CDK14: variants seen among roughly 807,000 people sequenced by gnomAD.
CDK14 encodes the protein cyclin-dependent kinase 14.
In CDK14, 34 loss-of-function variants were observed where a neutral mutation model predicts 60.7. That is an observed-to-expected ratio of 0.56 (90% CI 0.43 to 0.75). The LOEUF (loss-of-function observed/expected upper bound fraction) is 0.75. CDK14 is among the 30% of genes least tolerant of loss of function. The pLI is 0.00. For missense variants in CDK14, 482 were observed against 564.1 expected (o/e 0.85, Z 1.47); for synonymous variants, 197 against 203.7 (o/e 0.97, Z 0.28).
chr7:90,918,498 A>G (rs918237373), intron 8 of CDK14, among the ~76,000 whole-genome samples: 7 of 152,188 alleles, frequency 4.6e-5, no homozygotes, highest in African/African-American at 1.7e-4. Flanking sequence ...CTCTTGATCA[A>G]GGTTGACGTT....
chr7:90,964,013 C>T (rs12704583), intron 9 of CDK14, among the ~76,000 whole-genome samples: 23,418 of 151,860 alleles, frequency 0.15, 1,923 homozygotes, highest in Non-Finnish European at 0.18. Flanking sequence ...TGTGCCTGGC[C>T]GACAAAGGTT....
intron 9 of CDK14, among the ~76,000 whole-genome samples, chr7:90,958,197 T>A (rs1345334013): frequency 6.6e-6 from 1 of 152,138 alleles, no homozygotes; most frequent in Non-Finnish European, 1.5e-5. Flanking sequence ...AAGTTTCTCA[T>A]GATCTAGGGC....
intron 7 of CDK14, among the ~76,000 whole-genome samples, chr7:90,916,649 A>G (rs2117415334): frequency 6.6e-6 from 1 of 152,334 alleles, no homozygotes; most frequent in East Asian, 1.9e-4. Context: ...CTAACTGGTT[A>G]TATAGACTAG....
At chr7:91,127,419 A>AT (rs1266369231) in intron 14 of CDK14, among the ~76,000 whole-genome samples, 1 of 152,034 alleles carries the variant, frequency 6.6e-6, no homozygotes, top group East Asian at 1.9e-4. Flanking sequence ...AATAAGAGGG[A>AT]TTTTCCCCCC....
At chr7:91,074,733 A>C (rs998833926) in intron 11 of CDK14, among the ~76,000 whole-genome samples, 2 of 152,150 alleles carry the variant, frequency 1.3e-5, no homozygotes, top group Non-Finnish European at 2.9e-5. Flanking sequence ...TGAAAAAATT[A>C]ACAAAATAGA....
chr7:90,810,719 A>G (rs1371179664), intron 5 of CDK14, among the ~76,000 whole-genome samples: 5 of 152,020 alleles, frequency 3.3e-5, no homozygotes, highest in African/African-American at 1.2e-4. Context: ...AGAAAACCCC[A>G]TCGTCTCAGC....
chr7:90,659,865 CTCTCTCTCTCTG>C (rs1800829376), intron 2 of CDK14, among the ~76,000 whole-genome samples: 3 of 148,474 alleles, frequency 2.0e-5, no homozygotes, highest in South Asian at 2.1e-4. Context: ...CTCTCTCTCT[CTCTCTCTCTCTG>C]TGTGTGTGTG....
intron 10 of CDK14, among the ~76,000 whole-genome samples, chr7:91,040,416 A>G (rs991069215): frequency 2.6e-5 from 4 of 152,212 alleles, no homozygotes; most frequent in African/African-American, 7.2e-5. Context: ...CTAAGGAGCT[A>G]GAAAAAAATC....
chr7:90,805,686 T>C (rs933169928), intron 5 of CDK14, among the ~76,000 whole-genome samples: 4 of 152,208 alleles, frequency 2.6e-5, no homozygotes, highest in Admixed American at 2.6e-4. Context: ...GATCTCGTAT[T>C]GTTAAGATGA....
intron 1 of CDK14, among the ~76,000 whole-genome samples, chr7:90,603,910 A>G (rs1799367352): frequency 6.6e-6 from 1 of 152,238 alleles, no homozygotes; most frequent in Non-Finnish European, 1.5e-5. Flanking sequence ...TGATTCTTTT[A>G]TACTTTCATT....
intron 9 of CDK14, among the ~76,000 whole-genome samples, chr7:90,958,271 G>C (rs1423307393): frequency 1.3e-5 from 2 of 152,176 alleles, no homozygotes; most frequent in East Asian, 3.9e-4. Flanking sequence ...GATTTGTAAA[G>C]CCACTGAGGA....
chr7:90,930,216 G>A (rs1243714597), intron 8 of CDK14, among the ~76,000 whole-genome samples: 1 of 151,676 alleles, frequency 6.6e-6, no homozygotes, highest in Non-Finnish European at 1.5e-5. Flanking sequence ...ATAAATGAAG[G>A]AGTATTCTTG....
intron 1 of CDK14, among the ~76,000 whole-genome samples, chr7:90,601,599 C>T (rs900494698): frequency 1.3e-5 from 2 of 152,204 alleles, no homozygotes; most frequent in Non-Finnish European, 2.9e-5. Flanking sequence ...CAGACCCCAC[C>T]TCTTTGTCCA....
In CDK14 at chr7:91,032,377, T is replaced by C. The variant is rs374899912; in HGVS notation, c.1042-13520T>C. ...ACTCTGTAGTAGGTTAAATAATGGATACCCAAAGATAGTAAGTCCTTACAC... is the reference window on the plus strand; with the variant it reads ...ACTCTGTAGTAGGTTAAATAATGGACACCCAAAGATAGTAAGTCCTTACAC... On this transcript the variant is annotated intron_variant, in intron 10 of 14. Transcript: ENST00000380050. 7.2e-5 allele frequency among the ~76,000 whole-genome samples: 11 copies of C among 152,322 alleles called. 1 individual carries two copies. The East Asian group carries it at 2.1e-3, about 29-fold the overall frequency.
chr7:90,747,652 G>A (rs376491207), intron 3 of CDK14, 29 bp from the exon 4 acceptor site: 21 of 1,306,404 alleles, frequency 1.6e-5, no homozygotes, highest in African/African-American at 3.0e-5. Flanking sequence ...GATACAATCT[G>A]TTTTGTTTAC....
At chr7:90,832,130 T>C (rs2117114557) in intron 5 of CDK14, among the ~76,000 whole-genome samples, 1 of 152,324 alleles carries the variant, frequency 6.6e-6, no homozygotes, top group Middle Eastern at 3.4e-3. Flanking sequence ...CCAGTCACTC[T>C]ATGGCCTCTT....
At chr7:91,087,628 A>C (rs1044027962) in intron 12 of CDK14, among the ~76,000 whole-genome samples, 4 of 152,160 alleles carry the variant, frequency 2.6e-5, no homozygotes, top group Non-Finnish European at 5.9e-5. Flanking sequence ...GGCAAATATT[A>C]GTTTACCTCC....
At chr7:90,601,267 A>G (rs1363352926) in intron 1 of CDK14, among the ~76,000 whole-genome samples, 1 of 152,242 alleles carries the variant, frequency 6.6e-6, no homozygotes, top group African/African-American at 2.4e-5. Context: ...ATTAATGGCA[A>G]TCAGGGAATG....
chr7:90,994,079 C>G lies in CDK14; in HGVS notation c.1041+9838C>G, dbSNP rs564151591. On this transcript the variant is annotated intron_variant, in intron 10 of 14. Transcript: ENST00000380050. ...GTTATTTTTTCTCATGTAACCACCT[C>G]AAAACCCCCTAGTTTAAATAAACAA... is the stretch of plus-strand genomic sequence containing the variant. Among the ~76,000 whole-genome samples, 5 of 152,304 alleles carry G rather than the reference C, an allele frequency of 3.3e-5. No individual in the cohort carries two copies. In the East Asian group the frequency reaches 9.7e-4, roughly 29 times the overall value.
Sources: allele counts gnomAD v4.1 joint callset (sites outside exome capture counted in the v4.1 genomes callset), GRCh38; gene constraint gnomAD v4.1.1; transcripts MANE v1.5; gene names NCBI Gene and HGNC (gene_info 2026-07-23, HGNC 2026-07-21).